Variants in PLEK2 observed in about 807,000 individuals in gnomAD.
PLEK2 encodes the protein pleckstrin-2.
A neutral mutation model predicts 43.8 loss-of-function variants in PLEK2; 29 were observed. The ratio of observed to expected loss-of-function variants is 0.66; its 90% CI spans 0.49 to 0.90. The LOEUF is 0.90. Ranked by LOEUF, PLEK2 falls within the 40% of genes least tolerant of loss-of-function variation. PLEK2 has a pLI of 0.00. For synonymous variants in PLEK2, 162 were observed against 173.2 expected, an observed-to-expected ratio of 0.94 and a Z score of 0.51; for missense variants, 398 against 448.1, an observed-to-expected ratio of 0.89 and a Z score of 1.01.
chr14:67,402,883 G>C (rs1196945413), intron 1 of PLEK2, among the ~76,000 whole-genome samples: 1 of 152,128 alleles, frequency 6.6e-6, no homozygotes, highest in Admixed American at 6.5e-5. Flanking sequence ...AACAGACATG[G>C]GTGTGCAGAT....
At chr14:67,391,923 C>T (rs372376198) in intron 6 of PLEK2, among the ~76,000 whole-genome samples, 17 of 152,248 alleles carry the variant, frequency 1.1e-4, no homozygotes, top group Admixed American at 5.9e-4. Context: ...ATCAAGGAGG[C>T]GTGCAGAATC....
intron 6 of PLEK2, among the ~76,000 whole-genome samples, chr14:67,392,106 C>T (rs763983583): frequency 6.6e-6 from 1 of 152,216 alleles, no homozygotes; most frequent in Middle Eastern, 3.4e-3. Flanking sequence ...ACATTTTTCC[C>T]GAACAGCCCT....
chr14:67,410,015 C>T (rs113616439), intron 1 of PLEK2, among the ~76,000 whole-genome samples: 1,814 of 152,218 alleles, frequency 0.012, 16 homozygotes, highest in Non-Finnish European at 0.018. Flanking sequence ...GTCTTTGGGT[C>T]TGGCTGGAAT....
chr14:67,410,338 G>A (rs2086108499), intron 1 of PLEK2, among the ~76,000 whole-genome samples: 1 of 152,000 alleles, frequency 6.6e-6, no homozygotes, highest in Admixed American at 6.6e-5. Flanking sequence ...GCTCTACCAG[G>A]GCCCAGCTAT....
At chr14:67,387,944 G>A (rs1412904636) in intron 8 of PLEK2, among the ~76,000 whole-genome samples, 1 of 152,188 alleles carries the variant, frequency 6.6e-6, no homozygotes, top group Non-Finnish European at 1.5e-5. Context: ...AAAGCATTGT[G>A]TAAGCCTCAC....
intron 1 of PLEK2, among the ~76,000 whole-genome samples, chr14:67,400,735 C>G (rs1309706557): frequency 6.6e-6 from 1 of 151,746 alleles, no homozygotes; most frequent in East Asian, 1.9e-4. Flanking sequence ...CGCCTGTAAT[C>G]CCAGCACTTC....
chr14:67,409,194 G>C (rs2086100706), intron 1 of PLEK2, among the ~76,000 whole-genome samples: 1 of 152,040 alleles, frequency 6.6e-6, no homozygotes, highest in Admixed American at 6.6e-5. Context: ...AGTGAGCCTT[G>C]CTGATGCCAC....
intron 1 of PLEK2, among the ~76,000 whole-genome samples, chr14:67,399,656 G>T (rs2086034314): frequency 6.8e-6 from 1 of 147,282 alleles, no homozygotes; most frequent in Non-Finnish European, 1.5e-5. Flanking sequence ...TTCTCAGGTG[G>T]CAGGAATAAA....
At chr14:67,400,534 G>T (rs147075753) in intron 1 of PLEK2, among the ~76,000 whole-genome samples, 1,673 of 152,310 alleles carry the variant, frequency 0.011, 14 homozygotes, top group Non-Finnish European at 0.017. Flanking sequence ...AACTGCAGGG[G>T]TCCTGGGGCA....
At position 67,390,838 on chromosome 14, in the gene PLEK2, C is replaced by A; in HGVS notation, c.772-92G>T. ...CATGTAATGCCAAACCCCCAACAAG[C>A]CAGCCCGCTCCAATGGGACTACATT... On this transcript the variant is annotated intron_variant, in intron 6 of 8. Coordinates refer to ENST00000216446, the MANE Select transcript of PLEK2 (RefSeq NM_016445.3). 4.6e-6 allele frequency: 4 copies of A among 865,292 alleles called. No individual in the cohort carries two copies. In the South Asian group the frequency reaches 5.3e-5, roughly 11 times the overall value. 53.6% of individuals were successfully genotyped at this position (865,292 alleles called of 1,614,324 possible). A position where few individuals can be genotyped will look rare whatever the true frequency, so the allele number is the denominator to read the frequency against.
intron 1 of PLEK2, among the ~76,000 whole-genome samples, chr14:67,404,994 G>A (rs2086069721): frequency 6.6e-6 from 1 of 151,742 alleles, no homozygotes; most frequent in South Asian, 2.1e-4. Flanking sequence ...AGAATTTTGG[G>A]AGGCCAAAGT....
intron 7 of PLEK2, among the ~76,000 whole-genome samples, chr14:67,390,141 C>T (rs896122066): frequency 7.9e-5 from 12 of 152,160 alleles, no homozygotes; most frequent in African/African-American, 2.9e-4. Context: ...GTGGTAATAC[C>T]TAGTATCAGA....
intron 1 of PLEK2, among the ~76,000 whole-genome samples, chr14:67,409,052 A>T (rs1300820989): frequency 7.3e-6 from 1 of 137,042 alleles, no homozygotes; most frequent in Non-Finnish European, 1.6e-5. Flanking sequence ...TTGTCGCTAT[A>T]AAAAAAAAAA....
chr14:67,397,368 C>T (rs1042413137), intron 2 of PLEK2, among the ~76,000 whole-genome samples: 1 of 152,326 alleles, frequency 6.6e-6, no homozygotes, highest in African/African-American at 2.4e-5. Context: ...GCCTGCCTCC[C>T]AGCCCATACA....
At chr14:67,401,374 T>C (rs1000695231) in intron 1 of PLEK2, among the ~76,000 whole-genome samples, 2 of 151,852 alleles carry the variant, frequency 1.3e-5, no homozygotes, top group Admixed American at 6.6e-5. Context: ...TAGCCAGGCG[T>C]GGTGGCACGT....
chr14:67,400,339 T>G (rs2086039515), intron 1 of PLEK2, among the ~76,000 whole-genome samples: 2 of 152,256 alleles, frequency 1.3e-5, no homozygotes, highest in Non-Finnish European at 2.9e-5. Context: ...ATTTTTGCTC[T>G]CTTCACTTTG....
chr14:67,392,333 G>A lies in PLEK2; in HGVS notation c.764C>T (p.Ala255Val), dbSNP rs148402806. ...SGTVVKQGYL[A>V]KQGHKRKNWK... Reference sequence around the variant, plus strand: ...TGCTCATAGCAGCCATACCTGCTTGGCCAGGTAGCCTTGTTTCACCACCGT... The same window carrying A: ...TGCTCATAGCAGCCATACCTGCTTGACCAGGTAGCCTTGTTTCACCACCGT... Residue 255 changes from alanine to valine, a missense_variant, in exon 6 of 9, where the codon GCC (alanine) becomes GTC (valine). Physicochemically the swap from Ala to Val is moderately conservative, Grantham distance 64 (BLOSUM62 0). Transcript: ENST00000216446. 3.1e-6 allele frequency: 5 copies of A among 1,595,266 alleles called. No homozygotes were observed. In the African/African-American group the frequency reaches 5.4e-5, roughly 17 times the overall value.
chr14:67,387,940 T>C (rs557768256), intron 8 of PLEK2, among the ~76,000 whole-genome samples: 4 of 152,308 alleles, frequency 2.6e-5, no homozygotes, highest in African/African-American at 7.2e-5. Context: ...CCCTAAAGCA[T>C]TGTGTAAGCC....
chr14:67,403,501 C>T (rs1204464914), intron 1 of PLEK2, among the ~76,000 whole-genome samples: 1 of 152,210 alleles, frequency 6.6e-6, no homozygotes, highest in African/African-American at 2.4e-5. Flanking sequence ...GCCAAATATT[C>T]TCTGTCCTGT....
Sources: allele counts gnomAD v4.1 joint callset (sites outside exome capture counted in the v4.1 genomes callset), GRCh38; gene constraint gnomAD v4.1.1; transcripts MANE v1.5; gene names NCBI Gene and HGNC (gene_info 2026-07-23, HGNC 2026-07-21).